The following SAMD5 variants were observed in gnomAD, a reference collection of about 807,000 sequenced individuals.
SAMD5 encodes the protein sterile alpha motif domain-containing protein 5.
In SAMD5, 13 loss-of-function variants were observed where a neutral mutation model predicts 11.3. That is an observed-to-expected ratio of 1.15 (90% confidence interval 0.75 to 1.83). The LOEUF is 1.83. Among genes scored for constraint, SAMD5 ranks in the 40% most tolerant of loss-of-function variants. SAMD5 has a pLI of 0.00. For synonymous variants in SAMD5, 129 were observed against 111.3 expected (o/e 1.16, Z -1.00); for missense variants, 255 against 239.1 (o/e 1.07, Z -0.44).
intron 1 of SAMD5, among the ~76,000 whole-genome samples, chr6:147,683,922 T>C (rs1269582724): frequency 6.6e-6 from 1 of 152,204 alleles, no homozygotes; most frequent in African/African-American, 2.4e-5. Context: ...ATATTACATA[T>C]TTAAAACATT....
At chr6:147,922,167 G>C in the SAMD5 span, among the ~76,000 whole-genome samples, 2 of 152,090 alleles carry the variant, frequency 1.3e-5, no homozygotes. Flanking sequence ...GTGTGTCTCT[G>C]TCATGGCACT....
At chr6:147,904,848 A>G in the SAMD5 span, among the ~76,000 whole-genome samples, 139 of 151,724 alleles carry the variant, frequency 9.2e-4, no homozygotes, top group Middle Eastern at 6.9e-3. Flanking sequence ...TCATTAGAAC[A>G]TAACTCAAAA....
At chr6:147,684,665 G>A (rs980354014) in intron 1 of SAMD5, among the ~76,000 whole-genome samples, 2 of 152,192 alleles carry the variant, frequency 1.3e-5, no homozygotes, top group Non-Finnish European at 1.5e-5. Context: ...AATGCGTGCT[G>A]TGGTGTTTAA....
At chr6:147,621,445 AC>A in intron 1 of SAMD5, among the ~76,000 whole-genome samples, 1 of 146,030 alleles carries the variant, frequency 6.8e-6, no homozygotes, top group East Asian at 2.0e-4. Flanking sequence ...CAGCCTGGTA[AC>A]TGGGTGATGC....
chr6:147,745,777 CTTTTT>C, the SAMD5 span, among the ~76,000 whole-genome samples: 3 of 133,234 alleles, frequency 2.3e-5, no homozygotes, highest in African/African-American at 2.7e-5. Context: ...TTCTTTCTTT[CTTTTT>C]TTTTTTTTTT....
chr6:147,598,103 T>C (rs61677841), intron 1 of SAMD5, among the ~76,000 whole-genome samples: 17,064 of 152,080 alleles, frequency 0.11, 1,171 homozygotes, highest in East Asian at 0.29. Context: ...TTTTCTTTTT[T>C]TTTTTTCTTT....
the SAMD5 span, among the ~76,000 whole-genome samples, chr6:147,809,490 A>G: frequency 1.1e-4 from 16 of 152,150 alleles, no homozygotes; most frequent in Admixed American, 1.0e-3. Context: ...GAAAAAAAAA[A>G]CTCAGGGAAA....
intron 1 of SAMD5, among the ~76,000 whole-genome samples, chr6:147,694,611 G>T (rs894275272): frequency 6.6e-6 from 1 of 152,120 alleles, no homozygotes; most frequent in Non-Finnish European, 1.5e-5. Flanking sequence ...GAGTCCAGGA[G>T]TTTGAGACCA....
chr6:147,541,690 A>C (rs1168970552), intron 1 of SAMD5, among the ~76,000 whole-genome samples: 1 of 152,164 alleles, frequency 6.6e-6, no homozygotes, highest in Non-Finnish European at 1.5e-5. Flanking sequence ...ACATATACAA[A>C]CACACACAAA....
At chr6:147,889,871 G>A in the SAMD5 span, among the ~76,000 whole-genome samples, 168 of 152,230 alleles carry the variant, frequency 1.1e-3, no homozygotes, top group Middle Eastern at 6.8e-3. Flanking sequence ...GAAACTCTCT[G>A]CAGATCTCTG....
At chr6:147,588,942 C>T (rs557429862) in intron 1 of SAMD5, among the ~76,000 whole-genome samples, 3 of 151,910 alleles carry the variant, frequency 2.0e-5, no homozygotes, top group African/African-American at 7.3e-5. Flanking sequence ...CTGGTTTATG[C>T]CTGTGGTCCT....
chr6:147,703,127 G>A (rs1485427142), intron 1 of SAMD5, among the ~76,000 whole-genome samples: 1 of 152,136 alleles, frequency 6.6e-6, no homozygotes, highest in Non-Finnish European at 1.5e-5. Context: ...GAGTGCAATG[G>A]TATGATCTCG....
At chr6:147,712,602 A>G (rs1791415120) in intron 1 of SAMD5, among the ~76,000 whole-genome samples, 1 of 152,178 alleles carries the variant, frequency 6.6e-6, no homozygotes. Context: ...AAGTTGAGAT[A>G]GCATCTTGAG....
chr6:147,664,693 T>A (rs935394618), intron 1 of SAMD5, among the ~76,000 whole-genome samples: 2 of 152,184 alleles, frequency 1.3e-5, no homozygotes, highest in Non-Finnish European at 2.9e-5. Context: ...TCTCTTGAGA[T>A]TAAATTGGAT....
At chr6:147,879,865 C>T in the SAMD5 span, among the ~76,000 whole-genome samples, 3 of 152,158 alleles carry the variant, frequency 2.0e-5, no homozygotes, top group Admixed American at 1.3e-4. Flanking sequence ...CATTGGACAC[C>T]TAGACGTGGT....
the SAMD5 span, among the ~76,000 whole-genome samples, chr6:147,800,643 G>A: frequency 6.6e-6 from 1 of 152,088 alleles, no homozygotes; most frequent in African/African-American, 2.4e-5. Context: ...TTTTAAAGAG[G>A]GATCTAAAAA....
At chr6:147,605,607 T>TA (rs1789687903) in intron 1 of SAMD5, among the ~76,000 whole-genome samples, 1 of 152,166 alleles carries the variant, frequency 6.6e-6, no homozygotes, top group African/African-American at 2.4e-5. Context: ...GGGAGGGATT[T>TA]AAAAAAATAT....
downstream of SAMD5, chr6:147,741,288 A>C (rs1791876273): frequency 6.6e-6 from 1 of 152,158 alleles, no homozygotes; most frequent in East Asian, 1.9e-4. Flanking sequence ...GAAGCCGTTG[A>C]CATACAATGA....
chr6:147,742,745 C>A, the SAMD5 span, among the ~76,000 whole-genome samples: 1 of 152,156 alleles, frequency 6.6e-6, no homozygotes, highest in Non-Finnish European at 1.5e-5. Flanking sequence ...GAAGTTTCTC[C>A]TTGATCACCT....
Sources: gnomAD v4.1 joint callset for allele counts (sites outside exome capture counted in the v4.1 genomes callset) on GRCh38, gnomAD v4.1.1 for gene constraint, MANE v1.5 for transcripts, NCBI Gene and HGNC (gene_info 2026-07-23, HGNC 2026-07-21) for gene names.